Variants in GAK observed in about 807,000 individuals in gnomAD.
GAK encodes the protein cyclin-G-associated kinase.
Under a neutral mutation model 143.9 loss-of-function variants are expected in GAK, and 79 were observed. That is an observed-to-expected ratio of 0.55 (90% confidence interval 0.46 to 0.66). The LOEUF is 0.66. GAK is among the 30% of genes least tolerant of loss of function. GAK has a pLI of 0.00. For synonymous variants in GAK, 881 were observed against 765.5 expected (o/e 1.15, Z -2.49); for missense variants, 1,693 against 1,779.7 (o/e 0.95, Z 0.88).
chr4:890,965 G>A (rs918439429), intron 9 of GAK, among the ~76,000 whole-genome samples: 1 of 142,744 alleles, frequency 7.0e-6, no homozygotes, highest in African/African-American at 2.6e-5. Context: ...TTTTTTTTTG[G>A]TAGAGACAGA....
In GAK at chr4:851,754, G is replaced by A; in HGVS notation, c.3504C>T (p.Ser1168=). The A allele has an allele frequency of 6.2e-7, 1 of 1,613,204 alleles. No individual in the cohort carries two copies. Among genetic ancestry groups the A allele is most frequent in the Non-Finnish European group, 8.5e-7 (1 of 1,179,854 alleles). ...AACAGAGAGTGGGGGACTCACCAAA[G>A]CTGGGTGCGCGGACCCCCCGCTCCT... ...AREERGVRAP[S]FAQKPKVSEN... The change falls in exon 25 of 28, where the codon AGC becomes AGT. Residue 1168 remains serine (S), a synonymous_variant. Transcript: ENST00000314167.
chr4:916,894 A>C (rs1217408979), intron 1 of GAK, among the ~76,000 whole-genome samples: 3 of 152,276 alleles, frequency 2.0e-5, no homozygotes, highest in African/African-American at 7.2e-5. Context: ...ACTTCTACAC[A>C]GCAGCTTCAT....
At chr4:856,520 C>CAG (rs1560281385) in intron 24 of GAK, among the ~76,000 whole-genome samples, 1 of 145,992 alleles carries the variant, frequency 6.8e-6, no homozygotes. Context: ...GCTGCTCACA[C>CAG]CTGCTCACCA....
intron 23 of GAK, among the ~76,000 whole-genome samples, chr4:863,415 T>A (rs1199876440): frequency 1.3e-5 from 2 of 152,250 alleles, no homozygotes; most frequent in African/African-American, 4.8e-5. Flanking sequence ...TTAAACTTAG[T>A]TGACACAGCA....
chr4:882,894 C>G, intron 13 of GAK, 75 bp from the exon 14 acceptor site: 2 of 1,569,292 alleles, frequency 1.3e-6, no homozygotes, highest in Non-Finnish European at 1.7e-6. Context: ...GAGGGACAGC[C>G]TGCCTGCAGT....
chr4:859,286 C>A (rs759882015), intron 24 of GAK: 3 of 1,279,488 alleles, frequency 2.3e-6, no homozygotes, highest in South Asian at 1.3e-5. Flanking sequence ...CAGAGCCCAG[C>A]TACACCCCAC....
chr4:882,379 G>A (rs903362651), intron 14 of GAK, among the ~76,000 whole-genome samples: 2 of 152,192 alleles, frequency 1.3e-5, no homozygotes, highest in Admixed American at 6.5e-5. Flanking sequence ...ACTAAGCCTC[G>A]AGCTGCAGAT....
At chr4:898,583 C>CG (rs762382753) in intron 5 of GAK, among the ~76,000 whole-genome samples, 4 of 152,186 alleles carry the variant, frequency 2.6e-5, no homozygotes, top group Non-Finnish European at 5.9e-5. Context: ...GCTCACAGGC[C>CG]GGGCGTGGTG....
At chr4:878,388 G>A (rs1714424083) in intron 15 of GAK, among the ~76,000 whole-genome samples, 1 of 152,078 alleles carries the variant, frequency 6.6e-6, no homozygotes, top group South Asian at 2.1e-4. Context: ...ACTGTGGCCT[G>A]ACAGCATAGT....
intron 24 of GAK, among the ~76,000 whole-genome samples, chr4:859,017 G>A (rs960274338): frequency 6.6e-6 from 1 of 152,202 alleles, no homozygotes; most frequent in Non-Finnish European, 1.5e-5. Flanking sequence ...TCCCCCCGCC[G>A]CCGACGCTTC....
chr4:884,821 AAGGCTGGGCT>A (rs1715940836), intron 11 of GAK, among the ~76,000 whole-genome samples: 1 of 152,236 alleles, frequency 6.6e-6, no homozygotes, highest in Admixed American at 6.5e-5. Flanking sequence ...GGGGACCAGA[AAGGCTGGGCT>A]AGGAGCAACC....
intron 4 of GAK, among the ~76,000 whole-genome samples, chr4:910,599 A>C (rs549983798): frequency 5.3e-5 from 8 of 152,050 alleles, no homozygotes; most frequent in Non-Finnish European, 1.0e-4. Context: ...GCCTGCGGGA[A>C]CAGCTCCTCC....
At chr4:922,716 G>A (rs1480245023) in intron 1 of GAK, among the ~76,000 whole-genome samples, 2 of 152,114 alleles carry the variant, frequency 1.3e-5, no homozygotes, top group Non-Finnish European at 2.9e-5. Context: ...TGGTGGGAAT[G>A]TATGGCCACT....
intron 27 of GAK, 59 bp from the exon 28 acceptor site, chr4:849,833 G>GTGGGGGGGCCCCCCCCC: frequency 8.4e-7 from 1 of 1,190,154 alleles, no homozygotes; most frequent in Non-Finnish European, 1.2e-6. Flanking sequence ...GGCGGGGCAG[G>GTGGGGGGGCCCCCCCCC]ACCCCCCCCC....
At chr4:879,859 G>C (rs1714739218) in intron 15 of GAK, among the ~76,000 whole-genome samples, 1 of 152,204 alleles carries the variant, frequency 6.6e-6, no homozygotes, top group Non-Finnish European at 1.5e-5. Flanking sequence ...TTCTCTCTGT[G>C]ATTCAGTTTC....
chr4:893,368 C>T lies in GAK; in HGVS notation c.990+9G>A. 1 of 1,535,796 alleles carries T rather than the reference C, an allele frequency of 6.5e-7. No homozygotes were observed. Among genetic ancestry groups the T allele is most frequent in the Non-Finnish European group, 8.8e-7 (1 of 1,138,062 alleles). On this transcript the variant is annotated intron_variant, in intron 9 of 27. Coordinates refer to ENST00000314167, the MANE Select transcript of GAK (RefSeq NM_005255.4). Reference sequence around the variant, plus strand: ...CGGGGGATTTGGGGCTCACGTGTGCCTCCCTCACCTCTGTGATGGGAGACT... The same window carrying T: ...CGGGGGATTTGGGGCTCACGTGTGCTTCCCTCACCTCTGTGATGGGAGACT...
At chr4:857,753 C>T (rs1457032961) in intron 24 of GAK, among the ~76,000 whole-genome samples, 1 of 152,186 alleles carries the variant, frequency 6.6e-6, no homozygotes, top group African/African-American at 2.4e-5. Context: ...CACTGCACTG[C>T]CCGTGGCTCC....
intron 24 of GAK, chr4:859,119 C>A: frequency 1.0e-6 from 1 of 974,306 alleles, no homozygotes; most frequent in Non-Finnish European, 1.2e-6. Context: ...AGACTTGAAG[C>A]CACAGCGCCC....
intron 7 of GAK, among the ~76,000 whole-genome samples, chr4:894,982 T>C (rs552826152): frequency 1.2e-5 from 1 of 82,036 alleles, no homozygotes; most frequent in East Asian, 3.7e-4. Context: ...CTGTCTCAAA[T>C]AAATAAATAA....
Sources: gnomAD v4.1 joint callset for allele counts (sites outside exome capture counted in the v4.1 genomes callset) on GRCh38, gnomAD v4.1.1 for gene constraint, MANE v1.5 for transcripts, NCBI Gene and HGNC (gene_info 2026-07-23, HGNC 2026-07-21) for gene names.